The following PRKCB variants were observed in gnomAD, a reference collection of about 807,000 sequenced individuals.
PRKCB encodes protein kinase C beta type.
In PRKCB, 13 loss-of-function variants were observed where a neutral mutation model predicts 81.5. The observed-to-expected ratio is 0.16, with a 90% CI of 0.10 to 0.25. The LOEUF is 0.25. Among genes scored for constraint, PRKCB ranks in the 10% least tolerant of loss-of-function variants. The probability of loss-of-function intolerance (pLI) is 1.00; values close to 1 mark genes in which losing one functional copy is unlikely to be tolerated. For synonymous variants in PRKCB, 335 were observed against 321.4 expected (o/e 1.04, Z -0.45); for missense variants, 509 against 875.7 (o/e 0.58, Z 5.29).
At chr16:24,181,576 G>T (rs1452494639) in intron 13 of PRKCB, among the ~76,000 whole-genome samples, 1 of 151,954 alleles carries the variant, frequency 6.6e-6, no homozygotes, top group Non-Finnish European at 1.5e-5. Context: ...AGACCAGCCT[G>T]GCCAACATGG....
At chr16:23,955,095 G>A (rs973690834) in intron 2 of PRKCB, among the ~76,000 whole-genome samples, 2 of 152,090 alleles carry the variant, frequency 1.3e-5, no homozygotes, top group Non-Finnish European at 2.9e-5. Context: ...ACACAGGTGT[G>A]TGTGTAATCC....
At chr16:23,933,629 TATCCATCCATCCATCC>T (rs57745059) in intron 2 of PRKCB, among the ~76,000 whole-genome samples, 2 of 135,592 alleles carry the variant, frequency 1.5e-5, no homozygotes, top group Non-Finnish European at 1.6e-5. Flanking sequence ...TGTGAACTGA[TATCCATCCATCCATCC>T]ATCCATCCAT....
intron 2 of PRKCB, among the ~76,000 whole-genome samples, chr16:23,925,236 T>C (rs567589723): frequency 1.2e-3 from 183 of 152,178 alleles, no homozygotes; most frequent in African/African-American, 4.2e-3. Flanking sequence ...CTTGGCTATT[T>C]CTTCCTGTAA....
At chr16:24,050,358 T>G (rs938451960) in intron 5 of PRKCB, among the ~76,000 whole-genome samples, 23 of 151,984 alleles carry the variant, frequency 1.5e-4, no homozygotes. Flanking sequence ...GTGCCCAGAG[T>G]GAAAGAGAAT....
At chr16:23,899,291 C>G (rs1211046854) in intron 2 of PRKCB, among the ~76,000 whole-genome samples, 3 of 152,176 alleles carry the variant, frequency 2.0e-5, no homozygotes, top group Non-Finnish European at 4.4e-5. Context: ...TCACAGAGAG[C>G]ATGGAAGGTC....
chr16:23,934,039 A>G (rs1037126999), intron 2 of PRKCB, among the ~76,000 whole-genome samples: 1 of 151,544 alleles, frequency 6.6e-6, no homozygotes, highest in Non-Finnish European at 1.5e-5. Flanking sequence ...CCATCCATCC[A>G]TCCATCCATC....
chr16:24,128,080 T>A (rs917477434), intron 9 of PRKCB, among the ~76,000 whole-genome samples: 1 of 115,528 alleles, frequency 8.7e-6, no homozygotes, highest in African/African-American at 3.7e-5. Flanking sequence ...ACAAAACATG[T>A]TTTTAAACCC....
intron 8 of PRKCB, 21 bp downstream of exon 8, chr16:24,113,090 CTCT>C (rs772566438): frequency 6.4e-7 from 1 of 1,574,726 alleles, no homozygotes; most frequent in Non-Finnish European, 8.7e-7. Context: ...TTTTCTTTTT[CTCT>C]TCTTTCTTTT....
intron 3 of PRKCB, among the ~76,000 whole-genome samples, chr16:24,017,158 C>T (rs1965290441): frequency 6.6e-6 from 1 of 151,882 alleles, no homozygotes; most frequent in South Asian, 2.1e-4. Flanking sequence ...TGGTATGGTG[C>T]AACGGTGGGG....
chr16:24,179,543 A>G (rs538175688), intron 12 of PRKCB, among the ~76,000 whole-genome samples: 5 of 152,242 alleles, frequency 3.3e-5, no homozygotes, highest in Non-Finnish European at 7.3e-5. Flanking sequence ...ACATTGGAGT[A>G]GGTGTTTAGG....
intron 8 of PRKCB, among the ~76,000 whole-genome samples, chr16:24,121,546 T>C (rs1966798045): frequency 6.6e-6 from 1 of 152,154 alleles, no homozygotes; most frequent in African/African-American, 2.4e-5. Context: ...GTCCAGCTAA[T>C]TAAACTTTTT....
chr16:23,901,273 G>A (rs1023583942), intron 2 of PRKCB, among the ~76,000 whole-genome samples: 3 of 151,850 alleles, frequency 2.0e-5, no homozygotes, highest in African/African-American at 4.8e-5. Context: ...CTTTATGATC[G>A]ATCATACCCA....
chr16:23,882,002 CT>C, intron 2 of PRKCB, among the ~76,000 whole-genome samples: 17 of 90,300 alleles, frequency 1.9e-4, no homozygotes, highest in African/African-American at 6.5e-4. Flanking sequence ...TTCTTTCTTT[CT>C]TTCTTTCTTT....
Position 24,215,403 on chromosome 16 carries a change from T to A in PRKCB, c.*587T>A, listed in dbSNP as rs776482253. ...AGAATGTGCTTTTAGACGGTCTCAA[T>A]CTAAAAGCACTTCAAGGGGTCAAAG... is the stretch of plus-strand genomic sequence containing the variant. On this transcript the variant is annotated 3_prime_UTR_variant, in exon 17 of 17. Coordinates refer to ENST00000643927, the MANE Select transcript of PRKCB (RefSeq NM_002738.7). The A allele has an allele frequency of 1.8e-5, 18 of 986,024 alleles. No homozygotes were observed. Among genetic ancestry groups the A allele is most frequent in the Non-Finnish European group, 2.2e-5 (18 of 830,088 alleles). 61.1% of individuals were successfully genotyped at this position (986,024 alleles called of 1,614,324 possible).
At chr16:24,091,643 C>T (rs1268503317) in intron 5 of PRKCB, among the ~76,000 whole-genome samples, 1 of 151,488 alleles carries the variant, frequency 6.6e-6, no homozygotes, top group African/African-American at 2.4e-5. Flanking sequence ...CGGAGTCTCA[C>T]TCTGTCGCCC....
intron 7 of PRKCB, among the ~76,000 whole-genome samples, chr16:24,095,554 G>T (rs769750374): frequency 3.9e-5 from 6 of 152,160 alleles, no homozygotes; most frequent in Non-Finnish European, 5.9e-5. Context: ...AACTTAGGAA[G>T]TTGGAAGTGT....
At chr16:23,911,949 A>G (rs568989379) in intron 2 of PRKCB, among the ~76,000 whole-genome samples, 1 of 148,158 alleles carries the variant, frequency 6.7e-6, no homozygotes, top group Non-Finnish European at 1.5e-5. Flanking sequence ...CTCCTGCCTC[A>G]GCCTCCCGAG....
chr16:23,904,671 A>C (rs1285461056), intron 2 of PRKCB, among the ~76,000 whole-genome samples: 1 of 152,156 alleles, frequency 6.6e-6, no homozygotes, highest in East Asian at 1.9e-4. Flanking sequence ...TCAAAAGAAC[A>C]ACAACAACAA....
intron 5 of PRKCB, among the ~76,000 whole-genome samples, chr16:24,054,723 T>C (rs1021384917): frequency 6.6e-6 from 1 of 152,234 alleles, no homozygotes; most frequent in Non-Finnish European, 1.5e-5. Context: ...AGCTCATTTA[T>C]GTGATGCTGG....
Sources: allele counts gnomAD v4.1 joint callset (sites outside exome capture counted in the v4.1 genomes callset), GRCh38; gene constraint gnomAD v4.1.1; transcripts MANE v1.5; gene names NCBI Gene and HGNC (gene_info 2026-07-23, HGNC 2026-07-21).